The following HIPK3 variants were observed in gnomAD, a reference collection of about 807,000 sequenced individuals.
The protein encoded by HIPK3 is homeodomain interacting protein kinase 3.
HIPK3 carries 47 observed loss-of-function variants against 124.2 expected under a neutral mutation model. The observed-to-expected ratio is 0.38, with a 90% CI of 0.30 to 0.48. The LOEUF (loss-of-function observed/expected upper bound fraction) is 0.48, where lower values mean the gene tolerates loss of function less well. Ranked by LOEUF, HIPK3 falls within the 20% of genes least tolerant of loss-of-function variation. HIPK3 has a pLI of 0.98. For missense variants in HIPK3, 1,286 were observed against 1,454.3 expected, an observed-to-expected ratio of 0.88 and a Z score of 1.88; for synonymous variants, 482 against 515.2, an observed-to-expected ratio of 0.94 and a Z score of 0.87.
rs1853808968 is a variant in HIPK3 at position 33,356,074 on chromosome 11, A to G, written c.*2506A>G. 6.6e-6 allele frequency: 1 copy of G among 152,068 alleles called. No individual in the cohort carries two copies. The highest frequency in any genetic ancestry group is 2.4e-5 in the African/African-American group (1 of 41,442). 9.4% of individuals were successfully genotyped at this position (152,068 alleles called of 1,614,324 possible). A position where few individuals can be genotyped will look rare whatever the true frequency, so the allele number is the denominator to read the frequency against. On this transcript the variant is annotated 3_prime_UTR_variant, in exon 17 of 17. Transcript: ENST00000303296. ...AAGTGCAAAGGATTGATTGTATCAC[A>G]ACAGGTACAAAACTGACAGAGTTTT...
At chr11:33,312,189 C>T (rs1170146633) in intron 2 of HIPK3, among the ~76,000 whole-genome samples, 1 of 152,130 alleles carries the variant, frequency 6.6e-6, no homozygotes, top group East Asian at 1.9e-4. Flanking sequence ...TATATTTTTT[C>T]TAGCTCTATA....
intron 2 of HIPK3, among the ~76,000 whole-genome samples, chr11:33,310,281 TTATCTATCTATC>T (rs61094230): frequency 6.6e-5 from 8 of 121,150 alleles, no homozygotes; most frequent in African/African-American, 2.2e-4. Flanking sequence ...TCTGTCTATC[TTATCTATCTATC>T]TATCTATCTA....
chr11:33,320,606 G>T (rs1330920458), intron 2 of HIPK3, among the ~76,000 whole-genome samples: 1 of 152,196 alleles, frequency 6.6e-6, no homozygotes, highest in African/African-American at 2.4e-5. Flanking sequence ...CAGGATGGTA[G>T]CAGTAAAGGT....
chr11:33,271,423 G>A (rs539948612), intron 1 of HIPK3, among the ~76,000 whole-genome samples: 8 of 152,230 alleles, frequency 5.3e-5, no homozygotes, highest in African/African-American at 1.7e-4. Context: ...AAAATTAACC[G>A]GGTGTGGTGG....
At position 33,265,355 on chromosome 11, in the gene HIPK3, T is replaced by C. The variant is rs562112976; in HGVS notation, c.-3+7466T>C. Among the ~76,000 whole-genome samples the C allele has an allele frequency of 5.3e-5, 8 of 152,344 alleles. No individual in the cohort carries two copies. In the South Asian group the frequency reaches 1.7e-3, roughly 32 times the overall value. On this transcript the variant is annotated intron_variant, in intron 1 of 16. Transcript: ENST00000303296. ...GTAAGAATAATATTGGGTTCAAAAA[T>C]AGTGGATTTGTAATCATTGTTTAAT... is the stretch of plus-strand genomic sequence containing the variant.
chr11:33,354,673 C>G lies in HIPK3; in HGVS notation c.*1105C>G, dbSNP rs1177556228. The stretch of plus-strand genomic sequence containing the variant: ...TGAAAAGATGTGAGTTCTTTGTGTG[C>G]AATTTTTGATTTATGCATGTGAGAG... On this transcript the variant is annotated 3_prime_UTR_variant, in exon 17 of 17. Coordinates refer to ENST00000303296, the MANE Select transcript of HIPK3 (RefSeq NM_005734.5). 1 of 146,046 alleles carries G rather than the reference C, an allele frequency of 6.8e-6. No individual in the cohort carries two copies. The highest frequency in any genetic ancestry group is 1.5e-5 in the Non-Finnish European group (1 of 66,590). The allele number at this position is 146,046 out of a possible 1,614,324, so 9.0% of individuals were successfully genotyped here. A position where few individuals can be genotyped will look rare whatever the true frequency, so the allele number is the denominator to read the frequency against.
At chr11:33,347,255 G>T (rs746569581) in intron 8 of HIPK3, 38 bp from the exon 9 acceptor site, 3 of 1,567,768 alleles carry the variant, frequency 1.9e-6, no homozygotes, top group Non-Finnish European at 2.6e-6. Flanking sequence ...ATAAGAGGAA[G>T]ATTTTTTCTT....
intron 2 of HIPK3, among the ~76,000 whole-genome samples, chr11:33,294,984 G>T (rs1565069486): frequency 2.6e-5 from 4 of 152,038 alleles, no homozygotes; most frequent in Non-Finnish European, 5.9e-5. Context: ...GTCTCAAAAT[G>T]GAGTCACTCA....
chr11:33,339,194 A>G (rs78654565), intron 5 of HIPK3, among the ~76,000 whole-genome samples, 156 bp from the exon 6 acceptor site: 1 of 152,074 alleles, frequency 6.6e-6, no homozygotes, highest in East Asian at 1.9e-4. Flanking sequence ...CATTTTGAGG[A>G]TTTGTTAATA....
At chr11:33,327,795 C>T (rs1245051503) in intron 2 of HIPK3, among the ~76,000 whole-genome samples, 1 of 152,136 alleles carries the variant, frequency 6.6e-6, no homozygotes, top group Non-Finnish European at 1.5e-5. Flanking sequence ...AATTACACAG[C>T]TGTACATGGA....
intron 2 of HIPK3, among the ~76,000 whole-genome samples, chr11:33,326,065 C>G (rs1399362743): frequency 1.3e-5 from 2 of 152,118 alleles, no homozygotes; most frequent in African/African-American, 4.8e-5. Context: ...GAGATGGGGC[C>G]AGGAGTAGAA....
At position 33,257,585 on chromosome 11, in the gene HIPK3, C is replaced by A; in HGVS notation, c.-307C>A. 1.0e-6 allele frequency: 1 copy of A among 986,274 alleles called. No individual in the cohort carries two copies. Among genetic ancestry groups the A allele is most frequent in the Middle Eastern group, 5.2e-4 (1 of 1,924 alleles). 61.1% of individuals were successfully genotyped at this position (986,274 alleles called of 1,614,324 possible). A position where few individuals can be genotyped will look rare whatever the true frequency, so the allele number is the denominator to read the frequency against. ...CCGGAGGCCGACCGGCCTCCCACTA[C>A]CCCTCGCCCTAGCCAAGCCGTCCCC... On this transcript the variant is annotated 5_prime_UTR_variant, in exon 1 of 17. Coordinates refer to ENST00000303296, the MANE Select transcript of HIPK3 (RefSeq NM_005734.5).
chr11:33,293,108 A>G (rs1851744206), intron 2 of HIPK3, among the ~76,000 whole-genome samples: 1 of 152,228 alleles, frequency 6.6e-6, no homozygotes, highest in Non-Finnish European at 1.5e-5. Context: ...AGGACTTTAC[A>G]TAGACACAGA....
chr11:33,319,487 A>C (rs1033502886), intron 2 of HIPK3, among the ~76,000 whole-genome samples: 1 of 144,570 alleles, frequency 6.9e-6, no homozygotes, highest in African/African-American at 2.5e-5. Context: ...AAAGAGCGAA[A>C]CTCCATCTCA....
intron 2 of HIPK3, among the ~76,000 whole-genome samples, chr11:33,293,133 T>A (rs149339234): frequency 4.4e-4 from 67 of 152,340 alleles, no homozygotes; most frequent in African/African-American, 1.3e-3. Flanking sequence ...CGACTACATA[T>A]ATCGGGCCTT....
chr11:33,299,328 C>T (rs568175101), intron 2 of HIPK3, among the ~76,000 whole-genome samples: 5 of 151,774 alleles, frequency 3.3e-5, no homozygotes, highest in South Asian at 2.1e-4. Context: ...AAAAATTAGC[C>T]GGGCACAGTG....
intron 2 of HIPK3, among the ~76,000 whole-genome samples, chr11:33,310,805 A>G (rs1852314363): frequency 6.6e-6 from 1 of 152,224 alleles, no homozygotes; most frequent in Admixed American, 6.5e-5. Context: ...ATCTTCCTCC[A>G]GAGAAAATGC....
chr11:33,291,939 A>T (rs1851709379), intron 2 of HIPK3, among the ~76,000 whole-genome samples: 1 of 152,204 alleles, frequency 6.6e-6, no homozygotes, highest in Admixed American at 6.5e-5. Context: ...GTAATGATAA[A>T]CAGTTAATTT....
intron 1 of HIPK3, among the ~76,000 whole-genome samples, chr11:33,265,792 A>G (rs1480977642): frequency 6.7e-6 from 1 of 149,344 alleles, no homozygotes. Flanking sequence ...AAAAAAAAAA[A>G]AAAGCAAAAT....
Sources: gnomAD v4.1 joint callset for allele counts (sites outside exome capture counted in the v4.1 genomes callset) on GRCh38, gnomAD v4.1.1 for gene constraint, MANE v1.5 for transcripts, NCBI Gene and HGNC (gene_info 2026-07-23, HGNC 2026-07-21) for gene names.